The following NBAS variants were observed in gnomAD, a reference collection of about 807,000 sequenced individuals.
The protein encoded by NBAS is NAG/BC035112 fusion.
In NBAS, 219 loss-of-function variants were observed where a neutral mutation model predicts 302.5. That is an observed-to-expected ratio of 0.72 (90% CI 0.65 to 0.81). The LOEUF (loss-of-function observed/expected upper bound fraction) is 0.81, where lower values mean the gene tolerates loss of function less well. Ranked by LOEUF, NBAS falls within the 30% of genes least tolerant of loss-of-function variation. The pLI, the probability that NBAS is intolerant of heterozygous loss-of-function variation, is 0.00. For synonymous variants in NBAS, 1,118 were observed against 1,021.6 expected, an observed-to-expected ratio of 1.09 and a Z score of -1.80; for missense variants, 2,932 against 2,841.6, an observed-to-expected ratio of 1.03 and a Z score of -0.72.
At chr2:15,283,983 G>A (rs564265284) in intron 42 of NBAS, among the ~76,000 whole-genome samples, 1 of 152,254 alleles carries the variant, frequency 6.6e-6, no homozygotes, top group Admixed American at 6.5e-5. Flanking sequence ...TGTAATGAGT[G>A]ACAAATCAGC....
intron 11 of NBAS, among the ~76,000 whole-genome samples, chr2:15,499,825 G>T (rs770143464): frequency 4.6e-5 from 7 of 152,050 alleles, no homozygotes; most frequent in Non-Finnish European, 8.8e-5. Flanking sequence ...ATTTTAAAAC[G>T]TTTTGAGAAG....
chr2:15,092,324 A>C, the NBAS span, among the ~76,000 whole-genome samples: 1 of 152,140 alleles, frequency 6.6e-6, no homozygotes, highest in Admixed American at 6.5e-5. Flanking sequence ...AAATCTACCT[A>C]AGATGGTTTC....
the NBAS span, among the ~76,000 whole-genome samples, chr2:14,901,494 T>C: frequency 4.0e-5 from 6 of 150,946 alleles, no homozygotes; most frequent in Non-Finnish European, 8.9e-5. Context: ...CTAAAGAGGA[T>C]TTTATAAACA....
the NBAS span, among the ~76,000 whole-genome samples, chr2:15,141,663 C>T: frequency 6.7e-6 from 1 of 149,332 alleles, no homozygotes; most frequent in Non-Finnish European, 1.5e-5. Context: ...ACATATTGCT[C>T]ATTTTCAGCA....
chr2:14,784,829 A>G, the NBAS span, among the ~76,000 whole-genome samples: 1 of 152,126 alleles, frequency 6.6e-6, no homozygotes, highest in Non-Finnish European at 1.5e-5. Context: ...TATGAACTTT[A>G]AAGCAGTTTT....
intron 38 of NBAS, among the ~76,000 whole-genome samples, chr2:15,316,019 G>A (rs914295962): frequency 2.0e-5 from 3 of 152,208 alleles, no homozygotes; most frequent in Non-Finnish European, 4.4e-5. Context: ...ATTCAGAAAA[G>A]ATGGTAAGTA....
At chr2:15,290,105 G>A (rs373676315) in intron 41 of NBAS, among the ~76,000 whole-genome samples, 13 of 149,610 alleles carry the variant, frequency 8.7e-5, no homozygotes, top group Non-Finnish European at 1.5e-4. Flanking sequence ...GGGGAGAGAG[G>A]AGAGGGGAGA....
At chr2:15,479,285 T>C (rs552290887) in intron 12 of NBAS, among the ~76,000 whole-genome samples, 39 of 152,280 alleles carry the variant, frequency 2.6e-4, no homozygotes, top group African/African-American at 8.7e-4. Flanking sequence ...GTTTACTTAA[T>C]CATAAGAAAC....
intron 28 of NBAS, among the ~76,000 whole-genome samples, chr2:15,390,942 G>A (rs1172594496): frequency 6.6e-6 from 1 of 151,850 alleles, no homozygotes; most frequent in African/African-American, 2.4e-5. Flanking sequence ...GTGAAACCCC[G>A]TCTCTACTAA....
At chr2:14,893,352 A>G in the NBAS span, among the ~76,000 whole-genome samples, 1 of 151,570 alleles carries the variant, frequency 6.6e-6, no homozygotes, top group Non-Finnish European at 1.5e-5. Context: ...TTTTTATATT[A>G]TTTGTTTCAA....
the NBAS span, among the ~76,000 whole-genome samples, chr2:14,906,126 TTAG>T: frequency 2.0e-5 from 3 of 151,826 alleles, no homozygotes; most frequent in South Asian, 2.1e-4. Flanking sequence ...AGTAGTAGTA[TTAG>T]TAGTAGTAGT....
chr2:14,822,305 A>T, the NBAS span, among the ~76,000 whole-genome samples: 1 of 152,096 alleles, frequency 6.6e-6, no homozygotes, highest in Non-Finnish European at 1.5e-5. Flanking sequence ...TTGAGTTATC[A>T]ATTTTTCCCA....
At chr2:15,433,658 GTC>G (rs1677869792) in intron 21 of NBAS, among the ~76,000 whole-genome samples, 1 of 152,190 alleles carries the variant, frequency 6.6e-6, no homozygotes, top group Admixed American at 6.5e-5. Flanking sequence ...AAAAGGCATT[GTC>G]TCTGTCCCAA....
intron 48 of NBAS, among the ~76,000 whole-genome samples, chr2:15,206,615 G>A (rs1666157740): frequency 6.6e-6 from 1 of 152,228 alleles, no homozygotes; most frequent in Admixed American, 6.5e-5. Flanking sequence ...CCATGGGCCA[G>A]GCCCAGGGCG....
intron 50 of NBAS, chr2:15,179,470 TTG>T: frequency 3.7e-6 from 1 of 273,292 alleles, no homozygotes; most frequent in Non-Finnish European, 7.0e-6. Context: ...TTTGCAGGTT[TTG>T]TGTTTTGTGT....
chr2:15,553,825 TCTCTCTCC>T (rs1275974587), intron 4 of NBAS, among the ~76,000 whole-genome samples: 20 of 122,378 alleles, frequency 1.6e-4, no homozygotes, highest in Middle Eastern at 4.0e-3. Flanking sequence ...TCTCTCCCTC[TCTCTCTCC>T]CTCTCTCCCT....
the NBAS span, among the ~76,000 whole-genome samples, chr2:15,157,826 C>A: frequency 3.3e-5 from 5 of 152,290 alleles, no homozygotes; most frequent in East Asian, 9.7e-4. Context: ...GACTAGGTGA[C>A]CCTGCGTGTG....
chr2:15,550,447 A>G (rs1006378903), intron 6 of NBAS, among the ~76,000 whole-genome samples: 68 of 152,326 alleles, frequency 4.5e-4, no homozygotes, highest in African/African-American at 1.6e-3. Flanking sequence ...CCATTATTAT[A>G]CTTCCTACAA....
intron 31 of NBAS, among the ~76,000 whole-genome samples, chr2:15,373,341 G>A (rs1674577127): frequency 6.6e-6 from 1 of 152,078 alleles, no homozygotes; most frequent in African/African-American, 2.4e-5. Flanking sequence ...AGTCTAATAA[G>A]TTATTTTGAG....
Sources: gnomAD v4.1 joint callset for allele counts (sites outside exome capture counted in the v4.1 genomes callset) on GRCh38, gnomAD v4.1.1 for gene constraint, MANE v1.5 for transcripts, NCBI Gene and HGNC (gene_info 2026-07-23, HGNC 2026-07-21) for gene names.